ADGRA3: variants seen among roughly 807,000 people sequenced by gnomAD.
The protein encoded by ADGRA3 is G-protein coupled receptor 125.
In ADGRA3, 56 loss-of-function variants were observed where a neutral mutation model predicts 119.8. The observed-to-expected ratio is 0.47, with a 90% CI of 0.38 to 0.58. ADGRA3 has a LOEUF of 0.58. Ranked by LOEUF, ADGRA3 falls within the 20% of genes least tolerant of loss-of-function variation. The pLI is 0.00. For synonymous variants in ADGRA3, 607 were observed against 623.8 expected, an observed-to-expected ratio of 0.97 and a Z score of 0.40; for missense variants, 1,516 against 1,649.0, an observed-to-expected ratio of 0.92 and a Z score of 1.40.
intron 16 of ADGRA3, among the ~76,000 whole-genome samples, chr4:22,396,612 T>C (rs1714365045): frequency 6.6e-6 from 1 of 152,198 alleles, no homozygotes; most frequent in South Asian, 2.1e-4. Flanking sequence ...TCTACCACTC[T>C]GCTCTCGGCC....
chr4:22,500,030 T>C (rs185497069), intron 1 of ADGRA3, among the ~76,000 whole-genome samples: 160 of 152,338 alleles, frequency 1.1e-3, no homozygotes, highest in Middle Eastern at 6.8e-3. Context: ...GAGCATTTCC[T>C]ATGAGCATCA....
At chr4:22,419,033 A>G (rs543655053) in intron 12 of ADGRA3, among the ~76,000 whole-genome samples, 2 of 152,306 alleles carry the variant, frequency 1.3e-5, no homozygotes, top group Middle Eastern at 3.4e-3. Flanking sequence ...GGTTTGTGCA[A>G]TACAGGATGG....
chr4:22,425,010 C>T (rs1715873325), intron 10 of ADGRA3, among the ~76,000 whole-genome samples: 3 of 150,884 alleles, frequency 2.0e-5, no homozygotes, highest in Admixed American at 6.6e-5. Context: ...GGGAGGCAGA[C>T]ACTGCAGTGA....
chr4:22,393,095 C>T (rs112170759), intron 16 of ADGRA3: 2,659 of 150,498 alleles, frequency 0.018, 73 homozygotes, highest in African/African-American at 0.063. Flanking sequence ...AGTGTGATCT[C>T]GGCTCACTGC....
intron 1 of ADGRA3, among the ~76,000 whole-genome samples, chr4:22,489,325 C>T (rs181406950): frequency 6.6e-6 from 1 of 152,150 alleles, no homozygotes; most frequent in East Asian, 1.9e-4. Flanking sequence ...GGGAGCTATA[C>T]TTAAAGATGA....
chr4:22,413,400 A>G lies in ADGRA3; in HGVS notation c.2024-10T>C. 1 of 1,608,078 alleles carries G rather than the reference A, an allele frequency of 6.2e-7. No homozygotes were observed. The highest frequency in any genetic ancestry group is 8.5e-7 in the Non-Finnish European group (1 of 1,174,578). On this transcript the variant is annotated splice_polypyrimidine_tract_variant and intron_variant, in intron 13 of 18. Transcript: ENST00000334304. ...TCTACATTCACACCATCTGGAGAAA[A>G]TGGGAAATAAAAATATTTCTGAAAC... is the stretch of plus-strand genomic sequence containing the variant.
chr4:22,435,478 A>G lies in ADGRA3; in HGVS notation c.1288-12T>C. The G allele has an allele frequency of 6.4e-7, 1 of 1,572,380 alleles. No individual in the cohort carries two copies. On this transcript the variant is annotated splice_polypyrimidine_tract_variant and intron_variant, in intron 9 of 18. Transcript: ENST00000334304. The stretch of plus-strand genomic sequence containing the variant: ...AGATTGAGGGGCATCTACATTTCAA[A>G]GGCAAAAATGATCAACAAAACAGTC...
rs192881333 is a variant in ADGRA3, at chr4:22,424,215, G to A, written c.1581C>T (p.Ala527=). ...CLQRIATYRL[A]GGAHVYSTYS... ...CTGTTGAATAAACGTGAGCTCCACC[G>A]GCTAGCCGGTAGGTAGCAATGCGCT... Residue 527 remains alanine (A), a synonymous_variant, in exon 11 of 19, where the codon GCC becomes GCT. Coordinates refer to ENST00000334304, the MANE Select transcript of ADGRA3 (RefSeq NM_145290.4). The A allele has an allele frequency of 1.2e-5, 20 of 1,611,364 alleles. No individual in the cohort carries two copies. The East Asian group carries it at 2.7e-4, about 22-fold the overall frequency.
At chr4:22,475,728 G>A (rs1208959253) in intron 1 of ADGRA3, among the ~76,000 whole-genome samples, 1 of 146,578 alleles carries the variant, frequency 6.8e-6, no homozygotes, top group Admixed American at 6.8e-5. Flanking sequence ...CTCCGTCTCG[G>A]AAAAAAAAAT....
At chr4:22,499,304 T>A (rs1440372054) in intron 1 of ADGRA3, among the ~76,000 whole-genome samples, 3 of 152,184 alleles carry the variant, frequency 2.0e-5, no homozygotes, top group Admixed American at 6.5e-5. Context: ...CTTTAGCAGT[T>A]AAAGAATCAG....
At chr4:22,481,217 C>T (rs1278824072) in intron 1 of ADGRA3, among the ~76,000 whole-genome samples, 2 of 152,102 alleles carry the variant, frequency 1.3e-5, no homozygotes, top group East Asian at 1.9e-4. Flanking sequence ...GATTTTGGGC[C>T]AGGTGAGTCA....
chr4:22,500,050 C>T (rs1310278671), intron 1 of ADGRA3, among the ~76,000 whole-genome samples: 1 of 152,154 alleles, frequency 6.6e-6, no homozygotes, highest in Non-Finnish European at 1.5e-5. Context: ...ATGTCAATCC[C>T]AAGAAGTTTT....
At chr4:22,452,567 C>A (rs1247838275) in intron 4 of ADGRA3, among the ~76,000 whole-genome samples, 1 of 152,100 alleles carries the variant, frequency 6.6e-6, no homozygotes, top group Non-Finnish European at 1.5e-5. Context: ...ATTCTCATAA[C>A]AGGTATAAGA....
intron 7 of ADGRA3, among the ~76,000 whole-genome samples, chr4:22,441,075 T>G (rs1053191939): frequency 6.6e-6 from 1 of 151,798 alleles, no homozygotes. Context: ...GAAACAAGGG[T>G]TTTTGGCACT....
chr4:22,461,303 CTT>C (rs984913068), intron 3 of ADGRA3, among the ~76,000 whole-genome samples: 7 of 152,312 alleles, frequency 4.6e-5, no homozygotes, highest in East Asian at 1.9e-4. Flanking sequence ...ATAAAATACT[CTT>C]TGTTTTTCTT....
At chr4:22,417,022 A>G (rs1715456121) in intron 12 of ADGRA3, among the ~76,000 whole-genome samples, 1 of 152,186 alleles carries the variant, frequency 6.6e-6, no homozygotes, top group Admixed American at 6.6e-5. Flanking sequence ...TGAGCCAAAG[A>G]AACATCTGAT....
At chr4:22,503,950 C>T (rs928148063) in intron 1 of ADGRA3, among the ~76,000 whole-genome samples, 5 of 152,144 alleles carry the variant, frequency 3.3e-5, no homozygotes, top group East Asian at 1.9e-4. Flanking sequence ...ACATGAGGGG[C>T]GCAGCACTTT....
At chr4:22,430,187 T>C (rs1560312889) in intron 10 of ADGRA3, among the ~76,000 whole-genome samples, 2 of 152,172 alleles carry the variant, frequency 1.3e-5, no homozygotes, top group South Asian at 4.1e-4. Context: ...CTCAGGTATG[T>C]CTTTATTAGT....
chr4:22,506,478 G>A (rs1226857032), intron 1 of ADGRA3, among the ~76,000 whole-genome samples: 1 of 152,170 alleles, frequency 6.6e-6, no homozygotes, highest in Non-Finnish European at 1.5e-5. Flanking sequence ...ACTTGAGACA[G>A]GGAGGCAGAG....
Sources: allele counts gnomAD v4.1 joint callset (sites outside exome capture counted in the v4.1 genomes callset), GRCh38; gene constraint gnomAD v4.1.1; transcripts MANE v1.5; gene names NCBI Gene and HGNC (gene_info 2026-07-23, HGNC 2026-07-21).